PDE8B: variants seen among roughly 807,000 people sequenced by gnomAD.
PDE8B encodes phosphodiesterase 8B, also known as high affinity cAMP-specific and IBMX-insensitive 3',5'-cyclic phosphodiesterase 8B.
Under a neutral mutation model 101.3 loss-of-function variants are expected in PDE8B, and 26 were observed. The observed-to-expected ratio is 0.26, with a 90% CI of 0.19 to 0.36. The LOEUF is 0.36. Among genes scored for constraint, PDE8B ranks in the 10% least tolerant of loss-of-function variants. The pLI is 1.00. For missense variants in PDE8B, 810 were observed against 1,163.1 expected (o/e 0.70, Z 4.42); for synonymous variants, 424 against 429.3 (o/e 0.99, Z 0.15).
At chr5:77,388,923 C>G (rs545353286) in intron 10 of PDE8B, among the ~76,000 whole-genome samples, 1 of 152,138 alleles carries the variant, frequency 6.6e-6, no homozygotes, top group African/African-American at 2.4e-5. Context: ...CCCCTCCCCA[C>G]GCCAAGCTCA....
At chr5:77,284,367 C>G (rs1765581917) in intron 1 of PDE8B, among the ~76,000 whole-genome samples, 1 of 152,068 alleles carries the variant, frequency 6.6e-6, no homozygotes. Flanking sequence ...ATGGTCATGC[C>G]TTTGGTGTCA....
intron 9 of PDE8B, among the ~76,000 whole-genome samples, chr5:77,352,657 G>A (rs191273467): frequency 6.6e-6 from 1 of 152,328 alleles, no homozygotes; most frequent in East Asian, 1.9e-4. Flanking sequence ...GAGAGAGAGA[G>A]AGTGGGATAC....
chr5:77,116,222 A>ATTTTTT, the PDE8B span, among the ~76,000 whole-genome samples: 1 of 92,792 alleles, frequency 1.1e-5, no homozygotes, highest in African/African-American at 5.0e-5. Flanking sequence ...ATATATATAT[A>ATTTTTT]TATTTTTTTT....
At chr5:77,337,372 C>A in intron 6 of PDE8B, 57 bp downstream of exon 6, 1 of 894,616 alleles carries the variant, frequency 1.1e-6, no homozygotes, top group Non-Finnish European at 1.9e-6. Context: ...AAAATCTTAT[C>A]TGTCAACAGG....
chr5:77,126,621 T>C, the PDE8B span, among the ~76,000 whole-genome samples: 2 of 152,102 alleles, frequency 1.3e-5, no homozygotes, highest in Non-Finnish European at 1.5e-5. Context: ...GGTCTCTCCA[T>C]GTTACCTAGG....
chr5:77,217,710 T>C (rs1750104376), intron 1 of PDE8B, among the ~76,000 whole-genome samples: 1 of 152,000 alleles, frequency 6.6e-6, no homozygotes, highest in African/African-American at 2.4e-5. Flanking sequence ...AATTTTTTGG[T>C]ATTTTCTGTA....
At position 77,309,943 on chromosome 5, in the gene PDE8B, CTTTTTTTTTT is replaced by C. The variant is rs955296324; in HGVS notation, c.340-2037_340-2028del. 4.4e-5 allele frequency among the ~76,000 whole-genome samples: 5 copies of C among 114,152 alleles called. 1 individual carries two copies. Among genetic ancestry groups the C allele is most frequent in the South Asian group, 5.9e-4 (2 of 3,410 alleles). 74.9% of individuals were successfully genotyped at this position (114,152 alleles called of 152,430 possible). ...CTGGTTTCCCTTTTTAATCATTAAT[CTTTTTTTTTT>C]TTTTTTTTTTTTTGAGATGGAGTTT... On this transcript the variant is annotated intron_variant, in intron 1 of 21. Transcript: ENST00000264917.
At chr5:77,379,405 T>G (rs1787019178) in intron 10 of PDE8B, among the ~76,000 whole-genome samples, 1 of 152,208 alleles carries the variant, frequency 6.6e-6, no homozygotes, top group Non-Finnish European at 1.5e-5. Flanking sequence ...CATGTTGCTT[T>G]GATATAAATA....
At position 77,418,334 on chromosome 5, in the gene PDE8B, G is replaced by A. The variant is rs772674142; in HGVS notation, c.2017G>A (p.Glu673Lys). ...TNSFLCNAGSELAVLYNDTAV... is the reference protein window; with the variant it reads ...TNSFLCNAGSKLAVLYNDTAV... The stretch of plus-strand genomic sequence containing the variant: ...CTCTTTCCTCTGCAATGCAGGCAGT[G>A]AGCTTGCTGTGCTCTACAATGACAC... The change falls in exon 18 of 22, where the codon GAG (glutamate) becomes AAG (lysine). Residue 673 changes from glutamate (E) to lysine (K), a missense_variant. Glu to Lys is a moderately conservative substitution (Grantham distance 56). This residue lies in a region of PDE8B where 325 missense variants were observed against 560.9 expected (regional missense o/e 0.58). Transcript: ENST00000264917. The A allele has an allele frequency of 6.2e-7, 1 of 1,613,800 alleles. No homozygotes were observed. Among genetic ancestry groups the A allele is most frequent in the Non-Finnish European group, 8.5e-7 (1 of 1,179,684 alleles).
chr5:77,351,837 C>G (rs914604701), intron 9 of PDE8B, among the ~76,000 whole-genome samples: 2 of 152,082 alleles, frequency 1.3e-5, no homozygotes, highest in Non-Finnish European at 2.9e-5. Flanking sequence ...AGGAACACAA[C>G]GTTGTGTGAC....
At chr5:77,113,316 A>T in the PDE8B span, 1 of 151,506 alleles carries the variant, frequency 6.6e-6, no homozygotes, top group East Asian at 1.9e-4. Context: ...CAAAACAGAT[A>T]TATAGACCAA....
intron 1 of PDE8B, among the ~76,000 whole-genome samples, chr5:77,219,186 C>T (rs1486106208): frequency 1.3e-5 from 2 of 152,168 alleles, no homozygotes; most frequent in African/African-American, 4.8e-5. Flanking sequence ...CCTGAAGCCT[C>T]AGTCTCTAAT....
At chr5:77,245,151 A>G (rs1756593491) in intron 1 of PDE8B, among the ~76,000 whole-genome samples, 1 of 152,236 alleles carries the variant, frequency 6.6e-6, no homozygotes, top group Admixed American at 6.5e-5. Context: ...AGATAGGTCC[A>G]AAAGTAATGA....
intron 19 of PDE8B, among the ~76,000 whole-genome samples, 194 bp downstream of exon 19, chr5:77,420,081 C>G (rs564039774): frequency 6.6e-6 from 1 of 152,234 alleles, no homozygotes; most frequent in African/African-American, 2.4e-5. Flanking sequence ...ACTCTGAGCT[C>G]CTTGAAAGAA....
chr5:77,418,693 C>T (rs534461867), intron 18 of PDE8B, among the ~76,000 whole-genome samples: 1 of 152,230 alleles, frequency 6.6e-6, no homozygotes, highest in South Asian at 2.1e-4. Flanking sequence ...ATTGATTGTA[C>T]TATTACTAAG....
At chr5:77,413,491 G>A (rs1005482173) in intron 17 of PDE8B, among the ~76,000 whole-genome samples, 182 bp downstream of exon 17, 1 of 152,082 alleles carries the variant, frequency 6.6e-6, no homozygotes, top group Admixed American at 6.6e-5. Context: ...CTTTCTGCCA[G>A]CCCTCCCCTC....
intron 2 of PDE8B, among the ~76,000 whole-genome samples, chr5:77,316,638 A>T (rs1773824700): frequency 1.3e-5 from 2 of 152,224 alleles, no homozygotes; most frequent in African/African-American, 4.8e-5. Context: ...GCAGAATTTA[A>T]GTACCTCCTG....
At chr5:77,134,720 A>G in the PDE8B span, 3 of 152,232 alleles carry the variant, frequency 2.0e-5, no homozygotes, top group African/African-American at 7.2e-5. Flanking sequence ...TTCTGGAATA[A>G]AGATAATGAA....
the PDE8B span, among the ~76,000 whole-genome samples, chr5:77,200,396 C>T: frequency 6.6e-6 from 1 of 152,100 alleles, no homozygotes; most frequent in South Asian, 2.1e-4. Flanking sequence ...TACAAATAAG[C>T]CTCTCCTTCC....
Sources: allele counts gnomAD v4.1 joint callset (sites outside exome capture counted in the v4.1 genomes callset), GRCh38; gene constraint gnomAD v4.1.1; regional missense constraint gnomAD v4.1.1; transcripts MANE v1.5; gene names NCBI Gene and HGNC (gene_info 2026-07-23, HGNC 2026-07-21).